The following SDC2 variants were observed in gnomAD, a reference collection of about 807,000 sequenced individuals.
The protein encoded by SDC2 is syndecan-2.
SDC2 carries 13 observed loss-of-function variants against 22.2 expected under a neutral mutation model. That is an observed-to-expected ratio of 0.59 (90% CI 0.38 to 0.93). SDC2 has a LOEUF of 0.93. Among genes scored for constraint, SDC2 ranks in the 40% least tolerant of loss-of-function variants. The pLI is 0.00. For synonymous variants in SDC2, 94 were observed against 92.8 expected (o/e 1.01, Z -0.07); for missense variants, 235 against 246.8 (o/e 0.95, Z 0.32).
intron 1 of SDC2, among the ~76,000 whole-genome samples, chr8:96,505,285 G>A (rs146381578): frequency 2.0e-5 from 3 of 152,092 alleles, no homozygotes; most frequent in South Asian, 2.1e-4. Context: ...GGTCAGCATC[G>A]GAACCCTAAT....
Position 96,559,173 on chromosome 8 carries a change from G to A in SDC2, c.61-34307G>A, listed in dbSNP as rs113049620. ...GGTTGCCATATTTGACACAAGGGCC[G>A]ATGGTGGCTGTGTGGGGTGTGATGA... On this transcript the variant is annotated intron_variant, in intron 1 of 4. Coordinates refer to ENST00000302190, the MANE Select transcript of SDC2 (RefSeq NM_002998.4). Among the ~76,000 whole-genome samples, 123 of 152,278 alleles carry A rather than the reference G, an allele frequency of 8.1e-4. 1 individual carries two copies. Among genetic ancestry groups the A allele is most frequent in the African/African-American group, 2.7e-3 (114 of 41,558 alleles).
chr8:96,560,029 C>G (rs1814182430), intron 1 of SDC2, among the ~76,000 whole-genome samples: 1 of 152,090 alleles, frequency 6.6e-6, no homozygotes. Flanking sequence ...GTGTCCAATT[C>G]AATGGTTTTT....
chr8:96,534,348 C>T (rs142455542), intron 1 of SDC2, among the ~76,000 whole-genome samples: 1,771 of 152,322 alleles, frequency 0.012, 30 homozygotes, highest in African/African-American at 0.041. Flanking sequence ...GTGAGGGATG[C>T]GAGGGCTGCC....
intron 1 of SDC2, among the ~76,000 whole-genome samples, chr8:96,553,584 G>A (rs1201140726): frequency 2.0e-5 from 3 of 151,628 alleles, no homozygotes; most frequent in East Asian, 3.9e-4. Context: ...AGAGCCATTC[G>A]ATTTTTTTTT....
chr8:96,514,410 A>G (rs1813372101), intron 1 of SDC2, among the ~76,000 whole-genome samples: 1 of 152,138 alleles, frequency 6.6e-6, no homozygotes, highest in Admixed American at 6.5e-5. Flanking sequence ...AGGCACTGTT[A>G]ATTTCCCAAG....
intron 3 of SDC2, among the ~76,000 whole-genome samples, chr8:96,608,108 T>C (rs1329773193): frequency 6.6e-6 from 1 of 152,154 alleles, no homozygotes; most frequent in Non-Finnish European, 1.5e-5. Flanking sequence ...ACTCACTAGC[T>C]CTCCGACTTG....
chr8:96,506,812 C>G (rs1249243760), intron 1 of SDC2, among the ~76,000 whole-genome samples: 1 of 151,898 alleles, frequency 6.6e-6, no homozygotes, highest in Admixed American at 6.6e-5. Flanking sequence ...GAGATCCAGA[C>G]CATCCTGGAT....
Position 96,493,948 on chromosome 8 carries a change from T to C in SDC2, c.-324T>C. 2.6e-6 allele frequency: 1 copy of C among 379,326 alleles called. No homozygotes were observed. Among genetic ancestry groups the C allele is most frequent in the Non-Finnish European group, 4.7e-6 (1 of 213,018 alleles). 23.5% of individuals were successfully genotyped at this position (379,326 alleles called of 1,614,324 possible). A position where few individuals can be genotyped will look rare whatever the true frequency, so the allele number is the denominator to read the frequency against. On this transcript the variant is annotated 5_prime_UTR_variant, in exon 1 of 5. Transcript: ENST00000302190. ...ACTGAACCTCGGCACGGGAAAGGAG[T>C]CCGCGGAGGAGCAAAACCACAGCAG...
intron 1 of SDC2, among the ~76,000 whole-genome samples, chr8:96,552,021 T>C (rs1006344509): frequency 6.6e-6 from 1 of 152,176 alleles, no homozygotes; most frequent in African/African-American, 2.4e-5. Context: ...ACATCTTGAA[T>C]GTCCCCCAAT....
chr8:96,599,135 G>A (rs2130646460), intron 2 of SDC2, among the ~76,000 whole-genome samples: 1 of 152,014 alleles, frequency 6.6e-6, no homozygotes, highest in Admixed American at 6.5e-5. Context: ...TAGGGATGGG[G>A]TTTCACCATG....
intron 1 of SDC2, among the ~76,000 whole-genome samples, chr8:96,529,771 C>A (rs749904896): frequency 6.6e-5 from 10 of 152,074 alleles, no homozygotes; most frequent in Non-Finnish European, 1.5e-4. Context: ...TCCCTGTGAC[C>A]CCTGAATTGC....
In SDC2 at chr8:96,494,094, C is replaced by T; in HGVS notation, c.-178C>T. 1 of 591,846 alleles carries T rather than the reference C, an allele frequency of 1.7e-6. No individual in the cohort carries two copies. The highest frequency in any genetic ancestry group is 3.5e-5 in the Admixed American group (1 of 28,802). 36.7% of individuals were successfully genotyped at this position (591,846 alleles called of 1,614,324 possible). ...CGCAGCTGCGGGCGGCGGGAGCAGGCGCAGGAGGAGGAAGCGAGCGCCCCC... is the reference window on the plus strand; with the variant it reads ...CGCAGCTGCGGGCGGCGGGAGCAGGTGCAGGAGGAGGAAGCGAGCGCCCCC... On this transcript the variant is annotated 5_prime_UTR_variant, in exon 1 of 5. Transcript: ENST00000302190.
Position 96,602,469 on chromosome 8 carries a change from G to T in SDC2, c.247G>T (p.Ala83Ser), listed in dbSNP as rs11541833. The change falls in exon 3 of 5, where the codon GCT (alanine) becomes TCT (serine). Residue 83 changes from alanine (A) to serine (S), a missense_variant. Transcript: ENST00000302190. ...PLPKILLTSA[A>S]PKVETTTLNI... ...TCCAAAGATACTGTTGACTAGTGCT[G>T]CTCCAAAAGTGGAAACCACGACGCT... 6.2e-7 allele frequency: 1 copy of T among 1,614,120 alleles called. No homozygotes were observed. Among genetic ancestry groups the T allele is most frequent in the South Asian group, 1.1e-5 (1 of 91,084 alleles).
chr8:96,577,672 T>A (rs562000343), intron 1 of SDC2, among the ~76,000 whole-genome samples: 1 of 152,220 alleles, frequency 6.6e-6, no homozygotes, highest in Non-Finnish European at 1.5e-5. Flanking sequence ...GTCGTGTATC[T>A]ACTATTATAT....
At chr8:96,567,146 G>C (rs780623017) in intron 1 of SDC2, among the ~76,000 whole-genome samples, 1 of 152,226 alleles carries the variant, frequency 6.6e-6, no homozygotes, top group African/African-American at 2.4e-5. Context: ...GAGCCACTGC[G>C]TCTGGCCTAT....
chr8:96,597,598 A>G (rs977850884), intron 2 of SDC2, among the ~76,000 whole-genome samples: 5 of 152,262 alleles, frequency 3.3e-5, no homozygotes, highest in African/African-American at 1.2e-4. Flanking sequence ...AAAAATTCAC[A>G]GAAAAACATA....
Position 96,502,329 on chromosome 8 carries a change from A to T in SDC2, c.60+7998A>T, listed in dbSNP as rs186747060. Among the ~76,000 whole-genome samples the T allele has an allele frequency of 3.3e-5, 5 of 152,330 alleles. No homozygotes were observed. In the East Asian group the frequency reaches 9.6e-4, roughly 29 times the overall value. On this transcript the variant is annotated intron_variant, in intron 1 of 4. Transcript: ENST00000302190. The stretch of plus-strand genomic sequence containing the variant: ...ATCTCCACCTGGCCCCGCCCTTGAA[A>T]TATGGGGATTATTACAGTTCAAGGT...
intron 1 of SDC2, among the ~76,000 whole-genome samples, chr8:96,513,654 C>T (rs1813360599): frequency 6.6e-6 from 1 of 152,200 alleles, no homozygotes; most frequent in Non-Finnish European, 1.5e-5. Flanking sequence ...GTATCATCAT[C>T]TAATAAGCAT....
At chr8:96,593,254 G>A (rs1298722384) in intron 1 of SDC2, among the ~76,000 whole-genome samples, 2 of 152,066 alleles carry the variant, frequency 1.3e-5, no homozygotes, top group Admixed American at 1.3e-4. Context: ...TCATTCTACT[G>A]GTTTAAGCTG....
Sources: allele counts gnomAD v4.1 joint callset (sites outside exome capture counted in the v4.1 genomes callset), GRCh38; gene constraint gnomAD v4.1.1; transcripts MANE v1.5; gene names NCBI Gene and HGNC (gene_info 2026-07-23, HGNC 2026-07-21).